Variants in OLFM3 observed in about 807,000 individuals in gnomAD.
OLFM3 encodes olfactomedin 3, also known as noelin-3.
Under a neutral mutation model 48.6 loss-of-function variants are expected in OLFM3, and 20 were observed. The ratio of observed to expected loss-of-function variants is 0.41; its 90% CI spans 0.29 to 0.60. The LOEUF (loss-of-function observed/expected upper bound fraction) is 0.60. Ranked by LOEUF, OLFM3 falls within the 20% of genes least tolerant of loss-of-function variation. The probability of loss-of-function intolerance (pLI) is 0.28; values close to 1 mark genes in which losing one functional copy is unlikely to be tolerated. For synonymous variants in OLFM3, 222 were observed against 198.1 expected, an observed-to-expected ratio of 1.12 and a Z score of -1.01; for missense variants, 437 against 544.3, an observed-to-expected ratio of 0.80 and a Z score of 1.96.
chr1:101,981,870 T>C (rs12023208), intron 1 of OLFM3, among the ~76,000 whole-genome samples: 37,542 of 150,376 alleles, frequency 0.25, 5,176 homozygotes, highest in Middle Eastern at 0.35. Context: ...ATGAGTAAAA[T>C]AATGAAAGAA....
chr1:101,836,784 A>G, intron 2 of OLFM3, 95 bp downstream of exon 2: 1 of 1,307,500 alleles, frequency 7.6e-7, no homozygotes, highest in East Asian at 2.3e-5. Flanking sequence ...AAAAATCAAA[A>G]GAATCCTCTT....
chr1:101,904,545 T>G (rs1186995050), intron 1 of OLFM3, among the ~76,000 whole-genome samples: 1 of 152,046 alleles, frequency 6.6e-6, no homozygotes, highest in African/African-American at 2.4e-5. Flanking sequence ...TCCTTTAATA[T>G]GTGGAGGGAA....
At chr1:101,957,388 C>T in intron 1 of OLFM3, among the ~76,000 whole-genome samples, 1 of 151,894 alleles carries the variant, frequency 6.6e-6, no homozygotes, top group East Asian at 1.9e-4. Context: ...CTCACTATCC[C>T]TAAACCAATT....
At chr1:101,931,301 T>C (rs1659437986) in intron 1 of OLFM3, among the ~76,000 whole-genome samples, 2 of 152,212 alleles carry the variant, frequency 1.3e-5, no homozygotes, top group Admixed American at 1.3e-4. Flanking sequence ...AAATTAATCC[T>C]CTCAAAGGGG....
At chr1:101,808,392 G>T (rs10782853) in intron 4 of OLFM3, among the ~76,000 whole-genome samples, 82,642 of 151,396 alleles carry the variant, frequency 0.55, 22,929 homozygotes, top group East Asian at 0.64. Flanking sequence ...AGATGCATTT[G>T]TGTCTATGCA....
intron 1 of OLFM3, among the ~76,000 whole-genome samples, chr1:101,926,944 TA>T (rs1156787558): frequency 2.0e-5 from 3 of 151,972 alleles, no homozygotes; most frequent in Admixed American, 6.6e-5. Context: ...ACAACAGCAA[TA>T]AAAAAAGAAT....
chr1:101,962,437 G>T (rs1030780018), intron 1 of OLFM3, among the ~76,000 whole-genome samples: 2 of 152,006 alleles, frequency 1.3e-5, no homozygotes, highest in Non-Finnish European at 2.9e-5. Flanking sequence ...ATTTTTTAGA[G>T]AATTGAGCTT....
At chr1:101,869,918 T>A (rs1360738500) in intron 1 of OLFM3, among the ~76,000 whole-genome samples, 1 of 152,136 alleles carries the variant, frequency 6.6e-6, no homozygotes, top group Non-Finnish European at 1.5e-5. Flanking sequence ...GAAGTGTGAG[T>A]CAATTAAACT....
intron 1 of OLFM3, among the ~76,000 whole-genome samples, chr1:101,885,603 G>A (rs1657721045): frequency 6.6e-6 from 1 of 152,124 alleles, no homozygotes. Flanking sequence ...CCTAATCAAT[G>A]TGAAGATAAT....
At chr1:101,973,248 G>A (rs866761618) in intron 1 of OLFM3, among the ~76,000 whole-genome samples, 5 of 152,178 alleles carry the variant, frequency 3.3e-5, no homozygotes, top group South Asian at 2.1e-4. Flanking sequence ...GATGGCCTGC[G>A]AACCAGGTGG....
intron 1 of OLFM3, among the ~76,000 whole-genome samples, chr1:101,974,072 T>C (rs945859443): frequency 1.3e-5 from 2 of 152,016 alleles, no homozygotes; most frequent in East Asian, 1.9e-4. Flanking sequence ...AAGGTTGTTA[T>C]TGACTCTCCA....
At chr1:101,882,133 T>C (rs942345601) in intron 1 of OLFM3, among the ~76,000 whole-genome samples, 13 of 151,046 alleles carry the variant, frequency 8.6e-5, no homozygotes, top group African/African-American at 3.2e-4. Context: ...ACGACATTCA[T>C]TTGATTTTAA....
chr1:101,838,850 G>T (rs769161), intron 1 of OLFM3, among the ~76,000 whole-genome samples: 140,619 of 152,266 alleles, frequency 0.92, 65,720 homozygotes, highest in Non-Finnish European at 1. Flanking sequence ...TACCATAGTA[G>T]GTGGAGTCTT....
At position 101,838,338 on chromosome 1, in the gene OLFM3, C is replaced by CATG. The variant is rs1198781398; in HGVS notation, c.70-1316_70-1314dup. Among the ~76,000 whole-genome samples the CATG allele has an allele frequency of 5.3e-5, 8 of 151,884 alleles. 1 individual carries two copies. The highest frequency in any genetic ancestry group is 1.9e-4 in the African/African-American group (8 of 41,450). On this transcript the variant is annotated intron_variant, in intron 1 of 5. Transcript: ENST00000370103. ...CCTCCCAAAGTGCCGGGATAACAGGCATGAACCACTGCAACCAGCCCAGCT... is the reference window on the plus strand; with the variant it reads ...CCTCCCAAAGTGCCGGGATAACAGGCATGATGAACCACTGCAACCAGCCCAGCT...
At chr1:101,878,012 A>G (rs1211246679) in intron 1 of OLFM3, among the ~76,000 whole-genome samples, 1 of 151,766 alleles carries the variant, frequency 6.6e-6, no homozygotes, top group East Asian at 1.9e-4. Context: ...AAAGGACCTC[A>G]GGAGCATACT....
intron 1 of OLFM3, chr1:101,882,922 G>T (rs977098954): frequency 2.0e-5 from 3 of 151,742 alleles, no homozygotes; most frequent in African/African-American, 7.3e-5. Flanking sequence ...AAATAAAATT[G>T]TCTCCCATTT....
chr1:101,836,809 C>T (rs1163806615), intron 2 of OLFM3, 70 bp downstream of exon 2: 13 of 1,464,220 alleles, frequency 8.9e-6, no homozygotes, highest in South Asian at 1.2e-5. Flanking sequence ...ATTATCGGCT[C>T]TACCATATTT....
chr1:101,976,554 A>G (rs1416295181), intron 1 of OLFM3, among the ~76,000 whole-genome samples: 2 of 152,182 alleles, frequency 1.3e-5, no homozygotes, highest in African/African-American at 4.8e-5. Context: ...GCTGTGTTTT[A>G]GATACCGACA....
At chr1:101,836,014 T>C (rs1655382889) in intron 2 of OLFM3, among the ~76,000 whole-genome samples, 1 of 152,232 alleles carries the variant, frequency 6.6e-6, no homozygotes, top group African/African-American at 2.4e-5. Context: ...AAAAAGTTTC[T>C]ATTCAATGCC....
Sources: gnomAD v4.1 joint callset for allele counts (sites outside exome capture counted in the v4.1 genomes callset) on GRCh38, gnomAD v4.1.1 for gene constraint, MANE v1.5 for transcripts, NCBI Gene and HGNC (gene_info 2026-07-23, HGNC 2026-07-21) for gene names.